Variants in TEX2 observed in about 807,000 individuals in gnomAD.
The protein encoded by TEX2 is testis-expressed protein 2.
A neutral mutation model predicts 106.9 loss-of-function variants in TEX2; 53 were observed. The observed-to-expected ratio is 0.50, with a 90% CI of 0.40 to 0.62. The LOEUF (loss-of-function observed/expected upper bound fraction) is 0.62, where lower values mean the gene tolerates loss of function less well. Among genes scored for constraint, TEX2 ranks in the 20% least tolerant of loss-of-function variants. TEX2 has a pLI of 0.00. For synonymous variants in TEX2, 523 were observed against 534.8 expected (o/e 0.98, Z 0.30); for missense variants, 1,207 against 1,379.0 (o/e 0.88, Z 1.98).
chr17:64,154,868 G>A lies in TEX2; in HGVS notation c.2904C>T (p.Asp968=), dbSNP rs1404930667. 1 of 1,608,058 alleles carries A rather than the reference G, an allele frequency of 6.2e-7. No homozygotes were observed. Among genetic ancestry groups the A allele is most frequent in the Non-Finnish European group, 8.5e-7 (1 of 1,177,716 alleles). ...CTTCAGCCCCTGGGAGGAGCTGTTTGTCTCCCCCGCTGGGCTCTGGGGCAT... is the reference window on the plus strand; with the variant it reads ...CTTCAGCCCCTGGGAGGAGCTGTTTATCTCCCCCGCTGGGCTCTGGGGCAT... ...EDDAPEPSGG[D]KQLLPGAEGY... The change falls in exon 9 of 12, where the codon GAC becomes GAT. Residue 968 remains aspartate, a synonymous_variant. Transcript: ENST00000584379.
At chr17:64,206,206 C>T (rs2032824264) in intron 2 of TEX2, among the ~76,000 whole-genome samples, 1 of 152,224 alleles carries the variant, frequency 6.6e-6, no homozygotes, top group African/African-American at 2.4e-5. Flanking sequence ...TCTAGACAGT[C>T]ACCCAACATA....
chr17:64,197,742 T>A (rs1555629550), intron 2 of TEX2, among the ~76,000 whole-genome samples: 3 of 152,112 alleles, frequency 2.0e-5, no homozygotes, highest in Admixed American at 6.5e-5. Context: ...TAAAAAGATC[T>A]TTGTAGAAAT....
chr17:64,255,579 G>A (rs1174136684), intron 1 of TEX2: 2 of 152,168 alleles, frequency 1.3e-5, no homozygotes, highest in Non-Finnish European at 2.9e-5. Context: ...AAATTCCAGA[G>A]CAAAAGATAT....
At chr17:64,199,058 A>AG (rs2032572275) in intron 2 of TEX2, among the ~76,000 whole-genome samples, 5 of 152,246 alleles carry the variant, frequency 3.3e-5, no homozygotes, top group Admixed American at 3.3e-4. Context: ...GGGATTGTAC[A>AG]GGTTAATTAT....
At chr17:64,211,115 C>A (rs990541271) in intron 2 of TEX2, among the ~76,000 whole-genome samples, 4 of 152,144 alleles carry the variant, frequency 2.6e-5, no homozygotes, top group African/African-American at 2.4e-5. Flanking sequence ...TGCACGCCAC[C>A]AAGCCCAGCT....
At chr17:64,221,839 G>A (rs782050915) in intron 1 of TEX2, among the ~76,000 whole-genome samples, 8 of 152,188 alleles carry the variant, frequency 5.3e-5, no homozygotes, top group Non-Finnish European at 8.8e-5. Context: ...GCCTTAAAAG[G>A]AAGGAAATCC....
intron 2 of TEX2, among the ~76,000 whole-genome samples, chr17:64,200,854 C>T (rs2032637581): frequency 6.6e-6 from 1 of 152,012 alleles, no homozygotes; most frequent in Admixed American, 6.6e-5. Context: ...TTCTCCCTAC[C>T]CCCATCTTTT....
chr17:64,157,201 C>T (rs1343386208), intron 8 of TEX2, among the ~76,000 whole-genome samples: 2 of 152,156 alleles, frequency 1.3e-5, no homozygotes, highest in East Asian at 3.8e-4. Context: ...GAGGAAGATA[C>T]ACCACACTTA....
chr17:64,193,467 C>G (rs2032365647), intron 4 of TEX2, 92 bp downstream of exon 4: 4,343 of 628,428 alleles, frequency 6.9e-3, no homozygotes, highest in Non-Finnish European at 8.5e-3. Context: ...GGGTGGGCTT[C>G]CTTCCTTCCT....
At chr17:64,253,447 G>A (rs2034130447) in intron 1 of TEX2, among the ~76,000 whole-genome samples, 1 of 151,726 alleles carries the variant, frequency 6.6e-6, no homozygotes, top group Non-Finnish European at 1.5e-5. Context: ...TTACAGGTGT[G>A]AGCCACCATG....
At position 64,153,413 on chromosome 17, in the gene TEX2, G is replaced by T. The variant is rs569096840; in HGVS notation, c.2931-259C>A. On this transcript the variant is annotated intron_variant, in intron 9 of 11. Transcript: ENST00000584379. This position sits in a 1 kb window ranked among gnomAD's most constrained non-coding sequence, Gnocchi z 4.1. ...CCAGACATCGGCAAATGTCCTCTGG[G>T]GGGCCAAATCACCCCCAGTTGAGAA... 1.2e-4 allele frequency among the ~76,000 whole-genome samples: 17 copies of T among 143,610 alleles called. No individual in the cohort carries two copies. The highest frequency in any genetic ancestry group is 2.2e-4 in the Non-Finnish European group (14 of 64,570). The allele number at this position is 143,610 out of a possible 152,430, so 94.2% of individuals were successfully genotyped here.
At chr17:64,174,782 C>T (rs528454492) in intron 6 of TEX2, among the ~76,000 whole-genome samples, 1 of 152,330 alleles carries the variant, frequency 6.6e-6, no homozygotes, top group African/African-American at 2.4e-5. Context: ...GGCCCTAGGG[C>T]GGTTATCTGA....
chr17:64,168,857 G>A (rs1254283758), intron 7 of TEX2, among the ~76,000 whole-genome samples: 1 of 149,218 alleles, frequency 6.7e-6, no homozygotes, highest in Non-Finnish European at 1.5e-5. Context: ...GTACACTGAT[G>A]GAGTGAAGAT....
chr17:64,214,197 G>C lies in TEX2; in HGVS notation c.21C>G (p.Arg7=), dbSNP rs2033119378. The C allele has an allele frequency of 6.2e-7, 1 of 1,613,704 alleles. No homozygotes were observed. The highest frequency in any genetic ancestry group is 1.1e-5 in the South Asian group (1 of 91,072). MTSLYG[R]HAEKTTDMPK... is the part of the protein sequence containing the mutation. ...GCATGTCAGTGGTTTTCTCGGCATGGCGACCATACAGACTTGTCATTGCCG... is the reference window on the plus strand; with the variant it reads ...GCATGTCAGTGGTTTTCTCGGCATGCCGACCATACAGACTTGTCATTGCCG... The change falls in exon 2 of 12, where the codon CGC becomes CGG. Residue 7 remains arginine, a synonymous_variant. Coordinates refer to ENST00000584379, the MANE Select transcript of TEX2 (RefSeq NM_001288732.2).
chr17:64,212,450 C>CA, intron 2 of TEX2, 124 bp downstream of exon 2: 1 of 861,806 alleles, frequency 1.2e-6, no homozygotes, highest in Non-Finnish European at 1.8e-6. Context: ...GAAGTGGCCC[C>CA]AAGCTCTTAA....
Position 64,171,204 on chromosome 17 carries a change from A to G in TEX2, c.2572-5T>C, listed in dbSNP as rs780374868. 6 of 1,613,238 alleles carry G rather than the reference A, an allele frequency of 3.7e-6. No individual in the cohort carries two copies. Among genetic ancestry groups the G allele is most frequent in the Non-Finnish European group, 5.1e-6 (6 of 1,179,294 alleles). On this transcript the variant is annotated splice_polypyrimidine_tract_variant and splice_region_variant and intron_variant, in intron 6 of 11. Transcript: ENST00000584379. ...CTCATTCATAAAGTAGGGGAGCTAG[A>G]GGAAACAAGCAAACAATGAGTGAGA...
Position 64,171,746 on chromosome 17 carries a change from A to T in TEX2, c.2572-547T>A, listed in dbSNP as rs895345508. ...GTAATCCCAACACTTTGGGAGGCCA[A>T]GGTGGATGGATCACTTGAGGTCAGG... On this transcript the variant is annotated intron_variant, in intron 6 of 11. Transcript: ENST00000584379. Among the ~76,000 whole-genome samples, 9 of 152,182 alleles carry T rather than the reference A, an allele frequency of 5.9e-5. No individual in the cohort carries two copies. The East Asian group carries it at 7.7e-4, about 13-fold the overall frequency.
At chr17:64,259,663 CG>C (rs1177634754) in intron 1 of TEX2, among the ~76,000 whole-genome samples, 1 of 152,200 alleles carries the variant, frequency 6.6e-6, no homozygotes, top group Non-Finnish European at 1.5e-5. Context: ...GCAAATCTTA[CG>C]AGATGCTTCC....
intron 2 of TEX2, among the ~76,000 whole-genome samples, chr17:64,206,526 C>T (rs1483340786): frequency 6.7e-6 from 1 of 148,658 alleles, no homozygotes; most frequent in African/African-American, 2.5e-5. Context: ...TTTGTGACAG[C>T]TCTTTGGCCA....
Sources: allele counts gnomAD v4.1 joint callset (sites outside exome capture counted in the v4.1 genomes callset), GRCh38; gene constraint gnomAD v4.1.1; non-coding constraint Gnocchi (gnomAD v3.1); transcripts MANE v1.5; gene names NCBI Gene and HGNC (gene_info 2026-07-23, HGNC 2026-07-21).